The following FHIT variants were observed in gnomAD, a reference collection of about 807,000 sequenced individuals.
FHIT encodes fragile histidine triad diadenosine triphosphatase.
FHIT carries 19 observed loss-of-function variants against 17.9 expected under a neutral mutation model. That is an observed-to-expected ratio of 1.06 (90% CI 0.74 to 1.56). The LOEUF (loss-of-function observed/expected upper bound fraction) is 1.56, where lower values mean the gene tolerates loss of function less well. Ranked by LOEUF, FHIT falls within the 40% of genes most tolerant of loss-of-function variation. The pLI, the probability that FHIT is intolerant of heterozygous loss-of-function variation, is 0.00. For missense variants in FHIT, 248 were observed against 189.2 expected (o/e 1.31, Z -1.82); for synonymous variants, 81 against 69.7 (o/e 1.16, Z -0.81).
chr3:61,146,539 A>T (rs1220421474), intron 2 of FHIT, among the ~76,000 whole-genome samples: 4 of 152,086 alleles, frequency 2.6e-5, no homozygotes, highest in African/African-American at 9.6e-5. Context: ...ATGCATACGT[A>T]ATTCTGTTAT....
chr3:59,808,924 ATT>A (rs1367450433), intron 8 of FHIT, among the ~76,000 whole-genome samples: 1 of 152,184 alleles, frequency 6.6e-6, no homozygotes, highest in African/African-American at 2.4e-5. Flanking sequence ...GAGGAGAGGC[ATT>A]GTGCTTGAAA....
At chr3:59,967,558 G>T (rs917371377) in intron 7 of FHIT, among the ~76,000 whole-genome samples, 13 of 152,136 alleles carry the variant, frequency 8.5e-5, no homozygotes, top group African/African-American at 1.4e-4. Flanking sequence ...GAAATTTTAT[G>T]CAGTGCATGA....
intron 5 of FHIT, among the ~76,000 whole-genome samples, chr3:60,264,858 C>T (rs1354722853): frequency 2.7e-5 from 4 of 147,658 alleles, no homozygotes; most frequent in Admixed American, 6.7e-5. Context: ...ATCTTTTTTT[C>T]ATCATCATCC....
At chr3:60,955,600 A>ATGTATATATGTG (rs1553778455) in intron 3 of FHIT, among the ~76,000 whole-genome samples, 2 of 14,326 alleles carry the variant, frequency 1.4e-4, no homozygotes, top group African/African-American at 1.9e-4. Flanking sequence ...ATATATACAT[A>ATGTATATATGTG]TATATATATA....
chr3:60,912,169 A>G (rs1553766069), intron 3 of FHIT, among the ~76,000 whole-genome samples: 1 of 152,190 alleles, frequency 6.6e-6, no homozygotes, highest in African/African-American at 2.4e-5. Context: ...TAGAATAAGA[A>G]TAAACTAGTA....
At chr3:60,596,701 C>T (rs1180018592) in intron 4 of FHIT, among the ~76,000 whole-genome samples, 2 of 152,124 alleles carry the variant, frequency 1.3e-5, no homozygotes, top group Non-Finnish European at 2.9e-5. Flanking sequence ...CTTTATATCT[C>T]CAAGTCTAAC....
At chr3:60,202,637 G>C (rs759033613) in intron 5 of FHIT, among the ~76,000 whole-genome samples, 1 of 152,118 alleles carries the variant, frequency 6.6e-6, no homozygotes, top group Admixed American at 6.5e-5. Flanking sequence ...CTGTAGTCAG[G>C]AGAACATATC....
rs1381230647 is a variant in FHIT at position 59,812,508 on chromosome 3, A to G, written c.349-60187T>C. On this transcript the variant is annotated intron_variant, in intron 8 of 9. Coordinates refer to ENST00000492590, the MANE Select transcript of FHIT (RefSeq NM_002012.4). ...TGCATTATGGATGAGCTCATGTGCC[A>G]TGGCAAACAGTTTAAGAACGATGCT... Among the ~76,000 whole-genome samples the G allele has an allele frequency of 3.3e-5, 5 of 152,232 alleles. No homozygotes were observed. In the East Asian group the frequency reaches 7.7e-4, roughly 23 times the overall value.
Position 60,908,721 on chromosome 3 carries a change from A to G in FHIT, c.-110-86710T>C, listed in dbSNP as rs1575674027. Among the ~76,000 whole-genome samples the G allele has an allele frequency of 1.2e-4, 19 of 152,082 alleles. No individual in the cohort carries two copies. In the South Asian group the frequency reaches 3.9e-3, roughly 32 times the overall value. ...GATGTAGAAGTCTCTTATGAAAAAA[A>G]AAAAAAAAAAGGGAGGGGACCAGTG... is the stretch of plus-strand genomic sequence containing the variant. On this transcript the variant is annotated intron_variant, in intron 3 of 9. Transcript: ENST00000492590.
At chr3:60,353,841 T>G (rs184081865) in intron 5 of FHIT, among the ~76,000 whole-genome samples, 2 of 152,230 alleles carry the variant, frequency 1.3e-5, no homozygotes, top group East Asian at 3.9e-4. Flanking sequence ...TAAAAATTTA[T>G]AAGAAGTGTG....
At chr3:61,219,829 C>T (rs2039788834) in intron 1 of FHIT, among the ~76,000 whole-genome samples, 1 of 152,116 alleles carries the variant, frequency 6.6e-6, no homozygotes, top group Admixed American at 6.5e-5. Flanking sequence ...GGATCCAAAC[C>T]CCAGCTCCCT....
At position 59,785,391 on chromosome 3, in the gene FHIT, C is replaced by T. The variant is rs182833702; in HGVS notation, c.349-33070G>A. 4.1e-4 allele frequency among the ~76,000 whole-genome samples: 62 copies of T among 151,292 alleles called. 1 individual carries two copies. In the East Asian group the frequency reaches 6.3e-3, roughly 15 times the overall value. ...GTGGCACGATCTTGGCTCACTGCAACCTCTGCCTCCAGGGTTTAAGCAATT... is the reference window on the plus strand; with the variant it reads ...GTGGCACGATCTTGGCTCACTGCAATCTCTGCCTCCAGGGTTTAAGCAATT... On this transcript the variant is annotated intron_variant, in intron 8 of 9. Coordinates refer to ENST00000492590, the MANE Select transcript of FHIT (RefSeq NM_002012.4).
intron 1 of FHIT, among the ~76,000 whole-genome samples, chr3:61,221,410 A>G (rs2039834461): frequency 6.6e-6 from 1 of 152,254 alleles, no homozygotes; most frequent in Non-Finnish European, 1.5e-5. Flanking sequence ...GCAATATTAA[A>G]ACAATCCATT....
intron 2 of FHIT, among the ~76,000 whole-genome samples, chr3:61,186,842 TC>T (rs1459696227): frequency 6.6e-6 from 1 of 152,174 alleles, no homozygotes; most frequent in Non-Finnish European, 1.5e-5. Flanking sequence ...CTTCACCCAC[TC>T]CTTACAAGCT....
At chr3:60,413,109 ATGT>A (rs1702122357) in intron 5 of FHIT, among the ~76,000 whole-genome samples, 1 of 152,176 alleles carries the variant, frequency 6.6e-6, no homozygotes, top group Non-Finnish European at 1.5e-5. Context: ...ACTCTCAGAC[ATGT>A]TGTTGATGTT....
At chr3:61,174,301 TAC>T (rs1325388660) in intron 2 of FHIT, among the ~76,000 whole-genome samples, 1 of 152,234 alleles carries the variant, frequency 6.6e-6, no homozygotes, top group Non-Finnish European at 1.5e-5. Flanking sequence ...TGACAATTCT[TAC>T]AGAGTCTCAA....
chr3:60,571,250 C>A (rs2037368881), intron 4 of FHIT, among the ~76,000 whole-genome samples: 2 of 139,992 alleles, frequency 1.4e-5, no homozygotes, highest in African/African-American at 5.3e-5. Context: ...GCAGGAGAAT[C>A]ACTTGAACCT....
chr3:60,237,110 T>C (rs1704837416), intron 5 of FHIT, among the ~76,000 whole-genome samples: 1 of 152,156 alleles, frequency 6.6e-6, no homozygotes, highest in African/African-American at 2.4e-5. Flanking sequence ...TTACAAATCC[T>C]AGATCATATT....
chr3:60,378,517 AGGTTG>A, intron 5 of FHIT, among the ~76,000 whole-genome samples: 1 of 152,160 alleles, frequency 6.6e-6, no homozygotes, highest in East Asian at 1.9e-4. Context: ...AATCATTTGG[AGGTTG>A]AAATACCAAT....
Sources: allele counts gnomAD v4.1 joint callset (sites outside exome capture counted in the v4.1 genomes callset), GRCh38; gene constraint gnomAD v4.1.1; transcripts MANE v1.5; gene names NCBI Gene and HGNC (gene_info 2026-07-23, HGNC 2026-07-21).